Variants in RAD23B observed in about 807,000 individuals in gnomAD.
RAD23B encodes the protein RAD23 nucleotide excision repair protein B.
Under a neutral mutation model 49.1 loss-of-function variants are expected in RAD23B, and 5 were observed. That is an observed-to-expected ratio of 0.10 (90% confidence interval 0.05 to 0.21). The LOEUF (loss-of-function observed/expected upper bound fraction) is 0.21. RAD23B is among the 10% of genes least tolerant of loss of function. The pLI is 1.00. For synonymous variants in RAD23B, 184 were observed against 165.4 expected, an observed-to-expected ratio of 1.11 and a Z score of -0.86; for missense variants, 356 against 486.7, an observed-to-expected ratio of 0.73 and a Z score of 2.53.
chr9:107,321,192 C>G (rs1286571348), intron 6 of RAD23B, among the ~76,000 whole-genome samples: 11 of 151,848 alleles, frequency 7.2e-5, no homozygotes, highest in Admixed American at 5.9e-4. Context: ...TCTTTTATAT[C>G]GATTTTATGA....
chr9:107,307,141 TA>T (rs1400147853), intron 4 of RAD23B, among the ~76,000 whole-genome samples: 1 of 152,222 alleles, frequency 6.6e-6, no homozygotes, highest in African/African-American at 2.4e-5. Flanking sequence ...ACCTATGGAC[TA>T]TTTCAGTTTT....
chr9:107,306,569 C>G lies in RAD23B; in HGVS notation c.419C>G (p.Ala140Gly). ...ACAGCATCTTCTGAACCTGCACCTG[C>G]TAGTGCAGCTAAACAAGAGAAGCCT... ...SATASSEPAP[A>G]SAAKQEKPAE... The change falls in exon 4 of 10, where the codon GCT becomes GGT. Residue 140 changes from alanine (A) to glycine (G), a missense_variant. Ala to Gly is a moderately conservative substitution (Grantham distance 60, BLOSUM62 0). Coordinates refer to ENST00000358015, the MANE Select transcript of RAD23B (RefSeq NM_002874.5). 2 of 1,614,138 alleles carry G rather than the reference C, an allele frequency of 1.2e-6. No homozygotes were observed. The highest frequency in any genetic ancestry group is 1.7e-6 in the Non-Finnish European group (2 of 1,180,010).
intron 1 of RAD23B, among the ~76,000 whole-genome samples, chr9:107,293,944 C>G (rs866133360): frequency 5.9e-5 from 9 of 152,086 alleles, no homozygotes; most frequent in African/African-American, 2.2e-4. Flanking sequence ...ACCACAGCAC[C>G]CGTCTAATTA....
At chr9:107,312,056 G>T (rs1333187238) in intron 5 of RAD23B, among the ~76,000 whole-genome samples, 1 of 152,114 alleles carries the variant, frequency 6.6e-6, no homozygotes, top group Admixed American at 6.6e-5. Context: ...CTTTGAAATG[G>T]GTATGAAATT....
At chr9:107,306,090 T>TATATATA (rs1826764540) in intron 3 of RAD23B, among the ~76,000 whole-genome samples, 27 of 127,654 alleles carry the variant, frequency 2.1e-4, no homozygotes, top group African/African-American at 5.9e-4. Context: ...TCTATATATA[T>TATATATA]TTCAAATTTT....
intron 2 of RAD23B, among the ~76,000 whole-genome samples, chr9:107,301,748 C>T (rs188768638): frequency 1.3e-5 from 2 of 152,018 alleles, no homozygotes; most frequent in Admixed American, 1.3e-4. Flanking sequence ...GCTATGTTGG[C>T]CATGCTGGTT....
intron 6 of RAD23B, among the ~76,000 whole-genome samples, chr9:107,321,362 G>A (rs939904372): frequency 5.9e-5 from 9 of 152,104 alleles, no homozygotes; most frequent in Admixed American, 3.9e-4. Flanking sequence ...GATACTTTCT[G>A]AGTGACACTT....
At chr9:107,304,931 A>AT (rs1826729947) in intron 3 of RAD23B, among the ~76,000 whole-genome samples, 1 of 152,188 alleles carries the variant, frequency 6.6e-6, no homozygotes, top group African/African-American at 2.4e-5. Context: ...TAAACAGTGG[A>AT]TTAATACATG....
At chr9:107,326,627 CTTTTTTTTTT>C (rs796381629) in intron 9 of RAD23B, among the ~76,000 whole-genome samples, 6 of 67,510 alleles carry the variant, frequency 8.9e-5, no homozygotes, top group African/African-American at 1.9e-4. Context: ...TTTTGTATTT[CTTTTTTTTTT>C]TTTTTTTTTT....
intron 5 of RAD23B, among the ~76,000 whole-genome samples, chr9:107,315,537 A>ACT (rs1032882669): frequency 6.0e-5 from 9 of 148,938 alleles, no homozygotes; most frequent in Admixed American, 5.3e-4. Context: ...TGTTTTTGAG[A>ACT]CTCTCTCTCT....
chr9:107,309,791 C>T (rs192608970), intron 4 of RAD23B, among the ~76,000 whole-genome samples: 2 of 151,980 alleles, frequency 1.3e-5, no homozygotes, highest in East Asian at 1.9e-4. Flanking sequence ...ATTAGCTGGG[C>T]GTGGTGGCGG....
intron 3 of RAD23B, among the ~76,000 whole-genome samples, chr9:107,305,169 G>A (rs946029198): frequency 6.6e-6 from 1 of 152,096 alleles, no homozygotes; most frequent in Non-Finnish European, 1.5e-5. Flanking sequence ...GGTAGTGTGA[G>A]CCCGTAGTCC....
intron 3 of RAD23B, among the ~76,000 whole-genome samples, chr9:107,305,325 CGA>C (rs1826740552): frequency 6.6e-6 from 1 of 151,878 alleles, no homozygotes; most frequent in African/African-American, 2.4e-5. Flanking sequence ...AAGAAAATCA[CGA>C]GAGAGAATAT....
In RAD23B at chr9:107,318,648, C is replaced by T. The variant is rs1452402816; in HGVS notation, c.554-104C>T. On this transcript the variant is annotated intron_variant, in intron 5 of 9. Transcript: ENST00000358015. The surrounding 1 kb of genome is among the most constrained non-coding windows in gnomAD (Gnocchi z 4.3). ...ATACTGTTACTCATCTTTGTATTCC[C>T]AGCATAGTAGTTCCTGAAATGTTGT... 3 of 1,240,982 alleles carry T rather than the reference C, an allele frequency of 2.4e-6. No homozygotes were observed. Among genetic ancestry groups the T allele is most frequent in the African/African-American group, 1.5e-5 (1 of 66,190 alleles). 76.9% of individuals were successfully genotyped at this position (1,240,982 alleles called of 1,614,324 possible). A position where few individuals can be genotyped will look rare whatever the true frequency, so the allele number is the denominator to read the frequency against.
intron 1 of RAD23B, among the ~76,000 whole-genome samples, chr9:107,295,545 C>G (rs1023726967): frequency 6.6e-6 from 1 of 152,116 alleles, no homozygotes; most frequent in African/African-American, 2.4e-5. Flanking sequence ...GTTCCTCTGT[C>G]TTCTGTTTTT....
intron 7 of RAD23B, 93 bp downstream of exon 7, chr9:107,322,211 C>A: frequency 7.2e-7 from 1 of 1,379,826 alleles, no homozygotes. Flanking sequence ...GACGTTCATT[C>A]CCAGAGCAGT....
intron 5 of RAD23B, 66 bp downstream of exon 5, chr9:107,311,803 A>G (rs185512550): frequency 8.2e-7 from 1 of 1,216,958 alleles, no homozygotes; most frequent in African/African-American, 1.6e-5. Context: ...ACTTTTCTAG[A>G]TCATGATAAA....
chr9:107,285,901 T>G (rs978287554), intron 1 of RAD23B, among the ~76,000 whole-genome samples: 3 of 152,212 alleles, frequency 2.0e-5, no homozygotes, highest in Non-Finnish European at 4.4e-5. Flanking sequence ...ATGTTTGTAG[T>G]GGGTTTTAAT....
intron 1 of RAD23B, among the ~76,000 whole-genome samples, chr9:107,299,483 T>G (rs928938370): frequency 2.6e-5 from 4 of 152,188 alleles, no homozygotes; most frequent in Non-Finnish European, 5.9e-5. Flanking sequence ...AGGTCATGGA[T>G]TCCAGCTCCT....
Sources: allele counts gnomAD v4.1 joint callset (sites outside exome capture counted in the v4.1 genomes callset), GRCh38; gene constraint gnomAD v4.1.1; non-coding constraint Gnocchi (gnomAD v3.1); transcripts MANE v1.5; gene names NCBI Gene and HGNC (gene_info 2026-07-23, HGNC 2026-07-21).